The following TOP2A variants were observed in gnomAD, a reference collection of about 807,000 sequenced individuals.
The protein encoded by TOP2A is DNA topoisomerase 2-alpha.
Under a neutral mutation model 187.2 loss-of-function variants are expected in TOP2A, and 68 were observed. The observed-to-expected ratio is 0.36, with a 90% CI of 0.30 to 0.44. The LOEUF (loss-of-function observed/expected upper bound fraction) is 0.44. TOP2A is among the 20% of genes least tolerant of loss of function. The pLI is 1.00. For synonymous variants in TOP2A, 542 were observed against 593.2 expected (o/e 0.91, Z 1.25); for missense variants, 1,196 against 1,808.7 (o/e 0.66, Z 6.14).
chr17:40,392,805 C>T (rs957664996), intron 29 of TOP2A, 68 bp from the exon 30 acceptor site: 16 of 1,273,988 alleles, frequency 1.3e-5, no homozygotes, highest in Non-Finnish European at 1.7e-5. Context: ...ATCATCCATC[C>T]ATCCTTCAAA....
At chr17:40,413,416 CAG>C (rs2143687387) in intron 5 of TOP2A, 62 bp downstream of exon 5, 1 of 1,412,134 alleles carries the variant, frequency 7.1e-7, no homozygotes, top group African/African-American at 1.5e-5. Flanking sequence ...CCTCATGCCA[CAG>C]ACAGTCATTT....
rs1398077837 is a variant in TOP2A at position 40,417,446 on chromosome 17, G to A, written c.21+325C>T. 5.5e-6 allele frequency: 5 copies of A among 908,570 alleles called. No individual in the cohort carries two copies. The African/African-American group carries it at 6.7e-5, about 12-fold the overall frequency. The allele number at this position is 908,570 out of a possible 1,614,324, so 56.3% of individuals were successfully genotyped here. ...CAAGACCGTTTTCAAGCAGCGGGCA[G>A]GAGGGGAAAGCATCTGTACGCGCGA... On this transcript the variant is annotated intron_variant, in intron 1 of 34. Coordinates refer to ENST00000423485, the MANE Select transcript of TOP2A (RefSeq NM_001067.4).
At position 40,389,970 on chromosome 17, in the gene TOP2A, T is replaced by C. The variant is rs760133627; in HGVS notation, c.4462A>G (p.Ser1488Gly). Residue 1488 changes from serine to glycine, a missense_variant, in exon 34 of 35, where the codon AGC becomes GGC. Physicochemically the swap from Ser to Gly is moderately conservative, Grantham distance 56. Transcript: ENST00000423485. ...FEKIVSKAVT[S>G]KKSKGESDDF... is the part of the protein sequence containing the mutation. ...TGACTAGGATCAACACTCACCTTGC[T>C]TGTGACTGCTTTCGAAACAATTTTC... 4.5e-5 allele frequency: 72 copies of C among 1,612,818 alleles called. No homozygotes were observed. The highest frequency in any genetic ancestry group is 1.7e-4 in the Admixed American group (10 of 59,852).
At chr17:40,391,328 T>G in intron 33 of TOP2A, 178 bp downstream of exon 33, 1 of 604,146 alleles carries the variant, frequency 1.7e-6, no homozygotes, top group Non-Finnish European at 2.8e-6. Context: ...ACTTACTGTT[T>G]TGGAACAGCC....
intron 30 of TOP2A, 62 bp from the exon 31 acceptor site, chr17:40,392,403 T>G: frequency 6.6e-7 from 1 of 1,524,156 alleles, no homozygotes; most frequent in African/African-American, 1.4e-5. Flanking sequence ...ATTCATAGGT[T>G]GACATAACAT....
At chr17:40,394,213 G>A (rs1283939409) in intron 29 of TOP2A, among the ~76,000 whole-genome samples, 3 of 144,106 alleles carry the variant, frequency 2.1e-5, no homozygotes, top group African/African-American at 8.1e-5. Context: ...ATTTTTTAGT[G>A]GTCACCCAGT....
intron 33 of TOP2A, among the ~76,000 whole-genome samples, chr17:40,390,652 A>G (rs1371300677): frequency 7.1e-6 from 1 of 140,420 alleles, no homozygotes; most frequent in Non-Finnish European, 1.5e-5. Context: ...TTGAGACAGC[A>G]TCTTGCTCTA....
In TOP2A at chr17:40,402,197, C is replaced by CTGAG. The variant is rs563939024; in HGVS notation, c.2432+705_2432+708dup. Among the ~76,000 whole-genome samples the CTGAG allele has an allele frequency of 9.5e-4, 144 of 152,184 alleles. No individual in the cohort carries two copies. The Middle Eastern group carries it at 0.017, about 18-fold the overall frequency. ...GAAGGATGGCATGGCATTCCATTTA[C>CTGAG]TGAGACAGGAAAACTAAGGATTTGG... On this transcript the variant is annotated intron_variant, in intron 20 of 34. Coordinates refer to ENST00000423485, the MANE Select transcript of TOP2A (RefSeq NM_001067.4).
In TOP2A at chr17:40,399,939, A is replaced by T; in HGVS notation, c.3129T>A (p.Ala1043=). Residue 1043 remains alanine, a synonymous_variant, in exon 24 of 35, where the codon GCT becomes GCA. Transcript: ENST00000423485. ...CCTGATTATTCAGTTTAGCAGATTC[A>T]GCACCAAGCATTCCTAGGAGCCATT... ...RKEWLLGMLG[A]ESAKLNNQAR... is the part of the protein sequence containing the mutation. 1 of 1,613,018 alleles carries T rather than the reference A, an allele frequency of 6.2e-7. No homozygotes were observed. Among genetic ancestry groups the T allele is most frequent in the Non-Finnish European group, 8.5e-7 (1 of 1,179,508 alleles).
chr17:40,408,510 C>T lies in TOP2A; in HGVS notation c.1324G>A (p.Asp442Asn), dbSNP rs773454549. The T allele has an allele frequency of 7.2e-5, 116 of 1,612,890 alleles. No homozygotes were observed. Among genetic ancestry groups the T allele is most frequent in the Non-Finnish European group, 9.4e-5 (111 of 1,179,598 alleles). ...TATATACCTGCATCATTGGCATCAT[C>T]GAGTTTGGGAATTCCCTTGATTCTA... ...HNRIKGIPKL[D>N]DANDAGGRNS... The change falls in exon 11 of 35, where the codon GAT becomes AAT. Residue 442 changes from aspartate (D) to asparagine (N), a missense_variant. Physicochemically the swap from Asp to Asn is conservative, Grantham distance 23 (BLOSUM62 1). Coordinates refer to ENST00000423485, the MANE Select transcript of TOP2A (RefSeq NM_001067.4).
rs776643108 is a variant in TOP2A at position 40,392,354 on chromosome 17, C to A, written c.3965-13G>T. On this transcript the variant is annotated splice_polypyrimidine_tract_variant and intron_variant, in intron 30 of 34. Coordinates refer to ENST00000423485, the MANE Select transcript of TOP2A (RefSeq NM_001067.4). ...AATTTTGTTTTTGCTAGTAAAAAAA[C>A]CATATACAAAAAAATCAAAGAGGGT... 38 of 1,573,718 alleles carry A rather than the reference C, an allele frequency of 2.4e-5. No homozygotes were observed.
chr17:40,416,354 A>C, intron 3 of TOP2A, 68 bp downstream of exon 3: 1 of 1,135,696 alleles, frequency 8.8e-7, no homozygotes, highest in East Asian at 2.6e-5. Flanking sequence ...TCTTTTTTAA[A>C]TTTTTATTTG....
intron 20 of TOP2A, 84 bp from the exon 21 acceptor site, chr17:40,401,165 A>G (rs1033529512): frequency 5.0e-5 from 59 of 1,182,952 alleles, no homozygotes; most frequent in Non-Finnish European, 6.8e-5. Context: ...TGTATTATAC[A>G]TGAAAATTAT....
At chr17:40,392,362 A>C in intron 30 of TOP2A, 21 bp from the exon 31 acceptor site, 4 of 1,569,854 alleles carry the variant, frequency 2.5e-6, no homozygotes, top group Non-Finnish European at 3.5e-6. Context: ...AACCATATAC[A>C]AAAAAATCAA....
chr17:40,416,529 G>T lies in TOP2A; in HGVS notation c.178-17C>A, dbSNP rs1321758766. On this transcript the variant is annotated splice_polypyrimidine_tract_variant and intron_variant, in intron 2 of 34. Transcript: ENST00000423485. ...CCACATTTGCTAGAAATAAGGCAAAGAAATACTGTTATTTTTATTCTATAT... is the reference window on the plus strand; with the variant it reads ...CCACATTTGCTAGAAATAAGGCAAATAAATACTGTTATTTTTATTCTATAT... 7 of 1,540,220 alleles carry T rather than the reference G, an allele frequency of 4.5e-6. No individual in the cohort carries two copies. Among genetic ancestry groups the T allele is most frequent in the Non-Finnish European group, 6.2e-6 (7 of 1,121,286 alleles).
At chr17:40,395,603 T>A (rs1009264234) in intron 28 of TOP2A, 64 bp from the exon 29 acceptor site, 2 of 1,272,218 alleles carry the variant, frequency 1.6e-6, no homozygotes, top group African/African-American at 1.5e-5. Flanking sequence ...TTAGAGATTT[T>A]ATACATTTTT....
rs1316020312 is a variant in TOP2A, at chr17:40,416,874, C to T, written c.43G>A (p.Val15Ile). The T allele has an allele frequency of 1.9e-6, 3 of 1,600,000 alleles. No homozygotes were observed. Among genetic ancestry groups the T allele is most frequent in the Middle Eastern group, 1.7e-4 (1 of 6,012 alleles). ...PLQPVNENMQ[V>I]NKIKKNEDAK... is the part of the protein sequence containing the mutation. Reference sequence around the variant, plus strand: ...TCTTCATTTTTCTTTATTTTGTTGACTTGCATATTTTCATTTACAGGCTAG... The same window carrying T: ...TCTTCATTTTTCTTTATTTTGTTGATTTGCATATTTTCATTTACAGGCTAG... Residue 15 changes from valine (V) to isoleucine (I), a missense_variant, in exon 2 of 35, where the codon GTC (valine) becomes ATC (isoleucine). This residue lies in a region of TOP2A where 97 missense variants were observed against 171.0 expected (regional missense o/e 0.57). Coordinates refer to ENST00000423485, the MANE Select transcript of TOP2A (RefSeq NM_001067.4).
chr17:40,404,773 T>C lies in TOP2A; in HGVS notation c.2046+18A>G. The C allele has an allele frequency of 6.6e-7, 1 of 1,511,886 alleles. No homozygotes were observed. 93.7% of individuals were successfully genotyped at this position (1,511,886 alleles called of 1,614,324 possible). A position where few individuals can be genotyped will look rare whatever the true frequency, so the allele number is the denominator to read the frequency against. Reference sequence around the variant, plus strand: ...CAGTCTAACAATCCATTTTGTGGCATATATTTAAAACTTTTACCTCAGGAA... The same window carrying C: ...CAGTCTAACAATCCATTTTGTGGCACATATTTAAAACTTTTACCTCAGGAA... On this transcript the variant is annotated intron_variant, in intron 17 of 34. Coordinates refer to ENST00000423485, the MANE Select transcript of TOP2A (RefSeq NM_001067.4).
At chr17:40,402,752 G>A (rs2035196980) in intron 20 of TOP2A, among the ~76,000 whole-genome samples, 154 bp downstream of exon 20, 1 of 152,042 alleles carries the variant, frequency 6.6e-6, no homozygotes. Context: ...TAATTGTTAT[G>A]GGGGGGCTTT....
Sources: allele counts gnomAD v4.1 joint callset (sites outside exome capture counted in the v4.1 genomes callset), GRCh38; gene constraint gnomAD v4.1.1; regional missense constraint gnomAD v4.1.1; transcripts MANE v1.5; gene names NCBI Gene and HGNC (gene_info 2026-07-23, HGNC 2026-07-21).